Variants in MEGF11 observed in about 807,000 individuals in gnomAD.
The protein encoded by MEGF11 is multiple EGF like domains 11.
MEGF11 carries 126 observed loss-of-function variants against 146.6 expected under a neutral mutation model. The observed-to-expected ratio is 0.86, with a 90% CI of 0.74 to 1.00. The LOEUF (loss-of-function observed/expected upper bound fraction) is 1.00, where lower values mean the gene tolerates loss of function less well. Ranked by LOEUF, MEGF11 falls within the 50% of genes least tolerant of loss-of-function variation. MEGF11 has a pLI of 0.00. For synonymous variants in MEGF11, 532 were observed against 583.4 expected, an observed-to-expected ratio of 0.91 and a Z score of 1.27; for missense variants, 1,509 against 1,521.2, an observed-to-expected ratio of 0.99 and a Z score of 0.13.
chr15:65,974,301 G>A (rs537821781), intron 7 of MEGF11, among the ~76,000 whole-genome samples: 3 of 152,194 alleles, frequency 2.0e-5, no homozygotes, highest in East Asian at 1.9e-4. Context: ...GGGGAGGGAG[G>A]AGTGAAGGGC....
intron 4 of MEGF11, among the ~76,000 whole-genome samples, chr15:66,100,848 C>CTGGA (rs1347908959): frequency 5.7e-5 from 1 of 17,668 alleles, no homozygotes; most frequent in African/African-American, 3.2e-4. Context: ...GAGTGAGCCA[C>CTGGA]TGGATGGGTG....
At chr15:66,139,517 T>C (rs2089045648) in intron 1 of MEGF11, among the ~76,000 whole-genome samples, 2 of 151,136 alleles carry the variant, frequency 1.3e-5, no homozygotes, top group South Asian at 4.2e-4. Flanking sequence ...AAACATGCTA[T>C]AAATTAAAGG....
intron 1 of MEGF11, among the ~76,000 whole-genome samples, chr15:66,209,589 A>G (rs1423145121): frequency 6.6e-6 from 1 of 152,214 alleles, no homozygotes; most frequent in Non-Finnish European, 1.5e-5. Context: ...AATAAAAGGA[A>G]CAAACCATGG....
intron 4 of MEGF11, among the ~76,000 whole-genome samples, chr15:66,097,414 G>A (rs2086600690): frequency 6.6e-6 from 1 of 152,192 alleles, no homozygotes; most frequent in Non-Finnish European, 1.5e-5. Flanking sequence ...GCGTGTGGGT[G>A]CCCTAAGCTC....
intron 1 of MEGF11, among the ~76,000 whole-genome samples, chr15:66,211,501 G>A (rs1197225945): frequency 6.7e-6 from 1 of 148,964 alleles, no homozygotes; most frequent in African/African-American, 2.5e-5. Flanking sequence ...TCCAGCCTGG[G>A]TGACAGAGTG....
At chr15:66,075,483 T>TG (rs142666511) in intron 5 of MEGF11, among the ~76,000 whole-genome samples, 1,997 of 152,344 alleles carry the variant, frequency 0.013, 42 homozygotes, top group African/African-American at 0.045. Flanking sequence ...ATTCAACTCA[T>TG]GTCCAGTGTT....
At chr15:66,018,203 G>A (rs534135206) in intron 5 of MEGF11, among the ~76,000 whole-genome samples, 1 of 152,256 alleles carries the variant, frequency 6.6e-6, no homozygotes, top group South Asian at 2.1e-4. Context: ...TGACTGTCTC[G>A]GGGTCCATGG....
At chr15:66,228,425 T>C (rs1368704927) in intron 1 of MEGF11, among the ~76,000 whole-genome samples, 1 of 151,912 alleles carries the variant, frequency 6.6e-6, no homozygotes, top group Non-Finnish European at 1.5e-5. Context: ...TGACAGGCTA[T>C]GGAGCCCCAG....
intron 5 of MEGF11, among the ~76,000 whole-genome samples, chr15:66,043,842 C>T (rs1316190731): frequency 6.6e-6 from 1 of 152,218 alleles, no homozygotes; most frequent in South Asian, 2.1e-4. Flanking sequence ...CAGAAGTAAG[C>T]GACCACATAA....
At chr15:65,899,615 G>A (rs113339894) in intron 24 of MEGF11, among the ~76,000 whole-genome samples, 41 of 152,324 alleles carry the variant, frequency 2.7e-4, no homozygotes, top group African/African-American at 9.6e-4. Flanking sequence ...ACTCTTAGCA[G>A]TATCCCTGCC....
intron 5 of MEGF11, among the ~76,000 whole-genome samples, chr15:66,092,462 T>C (rs1394852708): frequency 6.6e-6 from 1 of 152,222 alleles, no homozygotes. Context: ...TTTGGGTTGC[T>C]TAGCACCAAG....
intron 10 of MEGF11, among the ~76,000 whole-genome samples, chr15:65,949,235 G>C (rs900949958): frequency 1.3e-5 from 2 of 152,178 alleles, no homozygotes; most frequent in Non-Finnish European, 2.9e-5. Flanking sequence ...CCGGGGGAGC[G>C]TAACGTCTTT....
At chr15:65,905,746 TC>T (rs1398877465) in intron 24 of MEGF11, 1 of 195,984 alleles carries the variant, frequency 5.1e-6, no homozygotes, top group Non-Finnish European at 1.0e-5. Context: ...GGCAGGTAGA[TC>T]AACTTTATTT....
intron 5 of MEGF11, among the ~76,000 whole-genome samples, chr15:66,001,476 G>A (rs537261454): frequency 3.3e-5 from 5 of 152,286 alleles, no homozygotes; most frequent in African/African-American, 1.2e-4. Flanking sequence ...TTCCCTGGAA[G>A]CTGAAATACT....
intron 1 of MEGF11, among the ~76,000 whole-genome samples, chr15:66,248,008 G>C (rs2092320182): frequency 6.6e-6 from 1 of 151,806 alleles, no homozygotes; most frequent in Non-Finnish European, 1.5e-5. Flanking sequence ...AATTGTTCTA[G>C]GTCAATTACA....
chr15:66,042,432 C>CATTCA (rs1244615795), intron 5 of MEGF11, among the ~76,000 whole-genome samples: 1 of 152,056 alleles, frequency 6.6e-6, no homozygotes, highest in Non-Finnish European at 1.5e-5. Context: ...ATTTCATTAC[C>CATTCA]CAGGGGACGT....
intron 13 of MEGF11, among the ~76,000 whole-genome samples, chr15:65,924,509 G>C (rs2079297410): frequency 1.3e-5 from 2 of 151,902 alleles, no homozygotes; most frequent in African/African-American, 4.8e-5. Context: ...AGGCATCATA[G>C]ATTGACTAGA....
intron 15 of MEGF11, 106 bp from the exon 16 acceptor site, chr15:65,918,200 A>G: frequency 6.6e-7 from 1 of 1,508,094 alleles, no homozygotes. Flanking sequence ...ATGATCACCC[A>G]GGGGTCATGG....
chr15:66,019,597 C>A (rs2083027983), intron 5 of MEGF11, among the ~76,000 whole-genome samples: 1 of 152,210 alleles, frequency 6.6e-6, no homozygotes, highest in Non-Finnish European at 1.5e-5. Context: ...TCCAGCCCCG[C>A]AGCCAGCAGC....
Sources: gnomAD v4.1 joint callset for allele counts (sites outside exome capture counted in the v4.1 genomes callset) on GRCh38, gnomAD v4.1.1 for gene constraint, MANE v1.5 for transcripts, NCBI Gene and HGNC (gene_info 2026-07-23, HGNC 2026-07-21) for gene names.